The following HS6ST3 variants were observed in gnomAD, a reference collection of about 807,000 sequenced individuals.
The protein encoded by HS6ST3 is heparan sulfate 6-O-sulfotransferase 3.
In HS6ST3, 12 loss-of-function variants were observed where a neutral mutation model predicts 36.7. The observed-to-expected ratio is 0.33, with a 90% CI of 0.21 to 0.53. HS6ST3 has a LOEUF of 0.53. Ranked by LOEUF, HS6ST3 falls within the 20% of genes least tolerant of loss-of-function variation. The pLI is 0.95. For missense variants in HS6ST3, 584 were observed against 640.9 expected (o/e 0.91, Z 0.96); for synonymous variants, 240 against 257.5 (o/e 0.93, Z 0.65).
At chr13:96,164,270 G>T (rs1286336050) in intron 1 of HS6ST3, among the ~76,000 whole-genome samples, 1 of 152,166 alleles carries the variant, frequency 6.6e-6, no homozygotes, top group Non-Finnish European at 1.5e-5. Context: ...TGCATGGCTA[G>T]TGTTAAGCGT....
intron 1 of HS6ST3, among the ~76,000 whole-genome samples, chr13:96,306,106 CTT>C (rs5805960): frequency 1.3e-4 from 17 of 130,246 alleles, no homozygotes; most frequent in Admixed American, 1.6e-4. Context: ...TTTTCTTTTT[CTT>C]TTTTTTTTTT....
chr13:96,452,688 G>A (rs1390875036), intron 1 of HS6ST3, among the ~76,000 whole-genome samples: 2 of 152,018 alleles, frequency 1.3e-5, no homozygotes, highest in African/African-American at 4.8e-5. Flanking sequence ...CCCAGGTCTT[G>A]GAGAAGTTCT....
At chr13:96,331,034 C>T (rs960225002) in intron 1 of HS6ST3, among the ~76,000 whole-genome samples, 10 of 152,176 alleles carry the variant, frequency 6.6e-5, no homozygotes, top group Non-Finnish European at 1.0e-4. Flanking sequence ...TCAGCTCCAT[C>T]AGCTCCTTTA....
At chr13:96,416,752 ATTT>A (rs1023013886) in intron 1 of HS6ST3, among the ~76,000 whole-genome samples, 1 of 130,852 alleles carries the variant, frequency 7.6e-6, no homozygotes. Context: ...ATAGGGTAAC[ATTT>A]TTTTTTTTTT....
intron 1 of HS6ST3, among the ~76,000 whole-genome samples, chr13:96,451,101 A>G (rs749263229): frequency 6.6e-6 from 1 of 152,068 alleles, no homozygotes; most frequent in Non-Finnish European, 1.5e-5. Context: ...ATCATGTGTA[A>G]TAGTATTACA....
chr13:96,761,120 T>TG lies in HS6ST3; in HGVS notation c.708-71370_708-71369insG, dbSNP rs199701207. ...TATGACGTGTTGAATTTTTTTTCACTTTTTTTTTTTTTGAGACAGGTCCTC... is the reference window on the plus strand; with the variant it reads ...TATGACGTGTTGAATTTTTTTTCACTGTTTTTTTTTTTTGAGACAGGTCCTC... On this transcript the variant is annotated intron_variant, in intron 1 of 1. Coordinates refer to ENST00000376705, the MANE Select transcript of HS6ST3 (RefSeq NM_153456.4). 5.3e-3 allele frequency among the ~76,000 whole-genome samples: 770 copies of TG among 144,508 alleles called. 4 individuals are homozygous for TG. The highest frequency in any genetic ancestry group is 0.018 in the African/African-American group (721 of 39,924). 94.8% of individuals were successfully genotyped at this position (144,508 alleles called of 152,430 possible).
chr13:96,308,274 G>A (rs921680628), intron 1 of HS6ST3, among the ~76,000 whole-genome samples: 3 of 151,970 alleles, frequency 2.0e-5, no homozygotes, highest in African/African-American at 7.2e-5. Context: ...AATGATCTTC[G>A]AGGTTGGTAT....
intron 1 of HS6ST3, among the ~76,000 whole-genome samples, chr13:96,297,825 A>T (rs1259858057): frequency 6.6e-6 from 1 of 152,104 alleles, no homozygotes; most frequent in African/African-American, 2.4e-5. Context: ...GCATACTCAT[A>T]GAGGAGCTTC....
At chr13:96,672,603 C>T (rs1378372567) in intron 1 of HS6ST3, among the ~76,000 whole-genome samples, 1 of 152,114 alleles carries the variant, frequency 6.6e-6, no homozygotes, top group Non-Finnish European at 1.5e-5. Flanking sequence ...CCTCCTGGAT[C>T]TCAATCCTTC....
chr13:96,360,804 A>G (rs1413891011), intron 1 of HS6ST3, among the ~76,000 whole-genome samples: 1 of 151,980 alleles, frequency 6.6e-6, no homozygotes, highest in Non-Finnish European at 1.5e-5. Flanking sequence ...AAAATTAGCC[A>G]GGTGTAGTGG....
intron 1 of HS6ST3, among the ~76,000 whole-genome samples, chr13:96,510,744 A>G (rs1419861892): frequency 2.6e-5 from 4 of 152,036 alleles, no homozygotes; most frequent in Non-Finnish European, 5.9e-5. Context: ...TATTAATTCT[A>G]TTTTATTCCC....
intron 1 of HS6ST3, among the ~76,000 whole-genome samples, chr13:96,255,837 T>C (rs1157992523): frequency 1.3e-5 from 2 of 152,200 alleles, no homozygotes; most frequent in Non-Finnish European, 2.9e-5. Flanking sequence ...TTCACAATTT[T>C]ACAGATCTCT....
chr13:96,737,418 G>A (rs990774231), intron 1 of HS6ST3, among the ~76,000 whole-genome samples: 11 of 151,492 alleles, frequency 7.3e-5, no homozygotes, highest in Non-Finnish European at 2.9e-5. Flanking sequence ...GAGGTCAGGA[G>A]ATCGAGACCA....
intron 1 of HS6ST3, among the ~76,000 whole-genome samples, chr13:96,161,053 A>G (rs964619081): frequency 6.6e-6 from 1 of 152,182 alleles, no homozygotes; most frequent in Non-Finnish European, 1.5e-5. Context: ...CATATTTGCC[A>G]AGTAGCATTT....
chr13:96,358,033 CCA>C (rs2055218664), intron 1 of HS6ST3, among the ~76,000 whole-genome samples: 1 of 152,006 alleles, frequency 6.6e-6, no homozygotes, highest in Admixed American at 6.6e-5. Context: ...AGCAGGGTTG[CCA>C]CACACCTTCA....
chr13:96,185,956 A>T (rs900909491), intron 1 of HS6ST3, among the ~76,000 whole-genome samples: 10 of 152,192 alleles, frequency 6.6e-5, no homozygotes, highest in Non-Finnish European at 1.2e-4. Flanking sequence ...AAAGTGGAGT[A>T]GGTCTAAATA....
intron 1 of HS6ST3, among the ~76,000 whole-genome samples, chr13:96,497,141 T>C (rs979877026): frequency 1.3e-5 from 2 of 152,020 alleles, no homozygotes; most frequent in East Asian, 1.9e-4. Context: ...AATGAAAACA[T>C]GGAGAATGAA....
chr13:96,157,706 AT>A (rs1431622918), intron 1 of HS6ST3, among the ~76,000 whole-genome samples: 2 of 152,334 alleles, frequency 1.3e-5, no homozygotes, highest in East Asian at 3.9e-4. Context: ...GAAAAAAATA[AT>A]GTCATATTAA....
chr13:96,457,674 C>G (rs1409466599), intron 1 of HS6ST3, among the ~76,000 whole-genome samples: 1 of 152,072 alleles, frequency 6.6e-6, no homozygotes, highest in African/African-American at 2.4e-5. Context: ...GCAGACAAGA[C>G]TGCTTAGTTT....
Sources: gnomAD v4.1 joint callset for allele counts (sites outside exome capture counted in the v4.1 genomes callset) on GRCh38, gnomAD v4.1.1 for gene constraint, MANE v1.5 for transcripts, NCBI Gene and HGNC (gene_info 2026-07-23, HGNC 2026-07-21) for gene names.